Variants in STARD13 observed in about 807,000 individuals in gnomAD.
The protein encoded by STARD13 is StAR related lipid transfer domain containing 13, also known as stAR-related lipid transfer protein 13.
A neutral mutation model predicts 106.4 loss-of-function variants in STARD13; 62 were observed. The observed-to-expected ratio is 0.58, with a 90% CI of 0.48 to 0.72. STARD13 has a LOEUF of 0.72. Among genes scored for constraint, STARD13 ranks in the 30% least tolerant of loss-of-function variants. The pLI is 0.00. For synonymous variants in STARD13, 565 were observed against 553.0 expected, an observed-to-expected ratio of 1.02 and a Z score of -0.31; for missense variants, 1,387 against 1,424.0, an observed-to-expected ratio of 0.97 and a Z score of 0.42.
chr13:33,322,914 G>A (rs1893612634), intron 1 of STARD13, among the ~76,000 whole-genome samples: 1 of 152,200 alleles, frequency 6.6e-6, no homozygotes, highest in Admixed American at 6.5e-5. Context: ...TTATGAACAA[G>A]CAGTAGTATA....
At chr13:33,135,056 G>A (rs651222) in intron 4 of STARD13, among the ~76,000 whole-genome samples, 45,301 of 152,118 alleles carry the variant, frequency 0.3, 8,069 homozygotes, top group Non-Finnish European at 0.41. Context: ...AGGAACAATG[G>A]GTTCTTTCTA....
At chr13:33,115,197 T>C (rs1038829895) in intron 8 of STARD13, among the ~76,000 whole-genome samples, 5 of 152,186 alleles carry the variant, frequency 3.3e-5, no homozygotes, top group African/African-American at 1.2e-4. Context: ...ATTTAGTTCA[T>C]CATTTGACAA....
At chr13:33,119,356 C>T (rs764732090) in intron 7 of STARD13, among the ~76,000 whole-genome samples, 44 of 152,198 alleles carry the variant, frequency 2.9e-4, no homozygotes, top group Admixed American at 1.3e-4. Context: ...TAGAACCTTC[C>T]TGAGTGGCTG....
At chr13:33,563,408 A>G in the STARD13 span, among the ~76,000 whole-genome samples, 1 of 146,778 alleles carries the variant, frequency 6.8e-6, no homozygotes, top group Non-Finnish European at 1.5e-5. Context: ...AGAATAGAGG[A>G]CCCAGATATA....
intron 1 of STARD13, among the ~76,000 whole-genome samples, chr13:33,209,056 A>G (rs1390481845): frequency 2.6e-5 from 4 of 152,204 alleles, no homozygotes; most frequent in Non-Finnish European, 5.9e-5. Context: ...AAGTATGCCT[A>G]GAAGAGAAGT....
the STARD13 span, among the ~76,000 whole-genome samples, chr13:33,493,778 G>T: frequency 6.6e-6 from 1 of 152,224 alleles, no homozygotes; most frequent in South Asian, 2.1e-4. Flanking sequence ...TCAAATCTAG[G>T]ATTTACTCAG....
At chr13:33,437,247 C>T in the STARD13 span, among the ~76,000 whole-genome samples, 14 of 152,218 alleles carry the variant, frequency 9.2e-5, no homozygotes, top group South Asian at 6.2e-4. Context: ...ATCTAGTTAC[C>T]GGTGCATGCA....
chr13:33,444,728 C>G, the STARD13 span, among the ~76,000 whole-genome samples: 99 of 152,254 alleles, frequency 6.5e-4, no homozygotes, highest in African/African-American at 2.3e-3. Context: ...GTGTTCCCAC[C>G]ACTGCACTCC....
At chr13:33,608,713 G>A in the STARD13 span, among the ~76,000 whole-genome samples, 3 of 152,144 alleles carry the variant, frequency 2.0e-5, no homozygotes, top group African/African-American at 4.8e-5. Flanking sequence ...CCCAGATTCA[G>A]GCTTAAAGAT....
chr13:33,663,854 A>G, the STARD13 span, among the ~76,000 whole-genome samples: 14 of 152,270 alleles, frequency 9.2e-5, no homozygotes, highest in South Asian at 2.5e-3. Context: ...CGGGTTCCAA[A>G]TGCCTCTTAA....
At chr13:33,483,787 C>A in the STARD13 span, among the ~76,000 whole-genome samples, 1 of 152,140 alleles carries the variant, frequency 6.6e-6, no homozygotes, top group Non-Finnish European at 1.5e-5. Context: ...GAATAAAAAG[C>A]CCTCTTCCCT....
intron 1 of STARD13, among the ~76,000 whole-genome samples, chr13:33,202,909 T>C (rs1887147279): frequency 6.6e-6 from 1 of 151,944 alleles, no homozygotes; most frequent in African/African-American, 2.4e-5. Context: ...ACCTTTGAGA[T>C]CAAAAAAGAG....
chr13:33,506,975 C>G, the STARD13 span, among the ~76,000 whole-genome samples: 1 of 152,028 alleles, frequency 6.6e-6, no homozygotes, highest in Non-Finnish European at 1.5e-5. Context: ...GTGGTATGTG[C>G]CTGTAGTCCC....
chr13:33,452,702 T>G, the STARD13 span, among the ~76,000 whole-genome samples: 1 of 152,212 alleles, frequency 6.6e-6, no homozygotes. Flanking sequence ...GGTAGTAATA[T>G]AGACCTCATA....
chr13:33,465,269 G>A, the STARD13 span, among the ~76,000 whole-genome samples: 1 of 143,394 alleles, frequency 7.0e-6, no homozygotes, highest in Non-Finnish European at 1.5e-5. Context: ...GCAGTGGCGC[G>A]ATCTCGGCTC....
intron 4 of STARD13, among the ~76,000 whole-genome samples, chr13:33,140,601 G>A (rs985452239): frequency 2.0e-5 from 3 of 152,022 alleles, no homozygotes; most frequent in African/African-American, 7.2e-5. Flanking sequence ...TTTAAGGTGA[G>A]GTCCACTAAA....
At chr13:33,208,838 G>T (rs1432494038) in intron 1 of STARD13, among the ~76,000 whole-genome samples, 1 of 152,144 alleles carries the variant, frequency 6.6e-6, no homozygotes, top group Non-Finnish European at 1.5e-5. Flanking sequence ...TTGCAGACAG[G>T]TGTACACACA....
the STARD13 span, among the ~76,000 whole-genome samples, chr13:33,592,912 A>G: frequency 6.6e-6 from 1 of 152,166 alleles, no homozygotes; most frequent in Non-Finnish European, 1.5e-5. Flanking sequence ...AGTAGATTAT[A>G]AAGAAGGCAG....
At chr13:33,123,631 T>A (rs1246684704) in intron 7 of STARD13, among the ~76,000 whole-genome samples, 3 of 152,246 alleles carry the variant, frequency 2.0e-5, no homozygotes, top group African/African-American at 7.2e-5. Flanking sequence ...AAATGGTTCA[T>A]AATTGAAGGC....
Sources: allele counts gnomAD v4.1 joint callset (sites outside exome capture counted in the v4.1 genomes callset), GRCh38; gene constraint gnomAD v4.1.1; transcripts MANE v1.5; gene names NCBI Gene and HGNC (gene_info 2026-07-23, HGNC 2026-07-21).